The following DSCAM variants were observed in gnomAD, a reference collection of about 807,000 sequenced individuals.
DSCAM encodes DS cell adhesion molecule, also known as cell adhesion molecule DSCAM.
Under a neutral mutation model 217.7 loss-of-function variants are expected in DSCAM, and 47 were observed. That is an observed-to-expected ratio of 0.22 (90% CI 0.17 to 0.28). DSCAM has a LOEUF of 0.28. DSCAM is among the 10% of genes least tolerant of loss of function. The pLI, the probability that DSCAM is intolerant of heterozygous loss-of-function variation, is 1.00. For synonymous variants in DSCAM, 1,056 were observed against 1,015.3 expected (o/e 1.04, Z -0.76); for missense variants, 2,080 against 2,618.3 (o/e 0.79, Z 4.49).
chr21:40,294,794 G>A (rs913980006), intron 10 of DSCAM, among the ~76,000 whole-genome samples: 2 of 152,070 alleles, frequency 1.3e-5, no homozygotes, highest in African/African-American at 4.8e-5. Context: ...CTTCAAATAC[G>A]GCAGGAAATA....
intron 19 of DSCAM, among the ~76,000 whole-genome samples, chr21:40,125,052 ACCCCAC>A (rs1216134552): frequency 2.0e-5 from 3 of 151,962 alleles, no homozygotes; most frequent in African/African-American, 7.3e-5. Context: ...GCCATCAGAG[ACCCCAC>A]CCTCCCTCAC....
chr21:40,241,083 T>C (rs1461213823), intron 11 of DSCAM, among the ~76,000 whole-genome samples: 3 of 152,046 alleles, frequency 2.0e-5, no homozygotes, highest in Non-Finnish European at 1.5e-5. Context: ...AACAGGCAAA[T>C]ATTTCATGAC....
chr21:40,337,422 A>G (rs2074439703), intron 8 of DSCAM, among the ~76,000 whole-genome samples: 1 of 152,236 alleles, frequency 6.6e-6, no homozygotes, highest in South Asian at 2.1e-4. Flanking sequence ...TGTAGAATAG[A>G]AGAAATGAGT....
intron 3 of DSCAM, among the ~76,000 whole-genome samples, chr21:40,635,355 T>C (rs1461866399): frequency 2.6e-5 from 4 of 152,176 alleles, no homozygotes; most frequent in Non-Finnish European, 5.9e-5. Flanking sequence ...ACTCAGTGCC[T>C]GCTAGGGAAC....
intron 3 of DSCAM, among the ~76,000 whole-genome samples, chr21:40,663,087 AGTAT>A (rs1309163579): frequency 2.1e-5 from 3 of 145,352 alleles, no homozygotes; most frequent in Non-Finnish European, 4.5e-5. Context: ...CAGTATGTGT[AGTAT>A]GTATGTGTGT....
Position 40,276,310 on chromosome 21 carries a change from G to C in DSCAM, c.2183-40C>G, listed in dbSNP as rs765431864. 152 of 1,545,338 alleles carry C rather than the reference G, an allele frequency of 9.8e-5. 2 individuals carry two copies. The highest frequency in any genetic ancestry group is 1.6e-5 in the Non-Finnish European group (18 of 1,145,080). On this transcript the variant is annotated intron_variant, in intron 10 of 32. Coordinates refer to ENST00000400454, the MANE Select transcript of DSCAM (RefSeq NM_001389.5). ...GAAAGACGAGCAATGATGCAAACGA[G>C]AGTAAGTATGGGAAGACAACGAGTT... is the stretch of plus-strand genomic sequence containing the variant.
In DSCAM at chr21:40,347,910, T is replaced by G; in HGVS notation, c.970A>C (p.Lys324Gln). 3 of 1,613,966 alleles carry G rather than the reference T, an allele frequency of 1.9e-6. No individual in the cohort carries two copies. Among genetic ancestry groups the G allele is most frequent in the Non-Finnish European group, 8.5e-7 (1 of 1,179,906 alleles). ...GAAACTTGGCTACCCACGCTGCTTT[T>G]AACCTTCCTGGGACTGATGGTGGCT... Reference protein sequence around the residue: ...LKATISPRKVKSSVGSQVSLS... With the variant: ...LKATISPRKVQSSVGSQVSLS... The change falls in exon 6 of 33, where the codon AAA becomes CAA. Residue 324 changes from lysine (K) to glutamine (Q), a missense_variant. Transcript: ENST00000400454.
At chr21:40,379,453 G>C (rs750145018) in intron 3 of DSCAM, among the ~76,000 whole-genome samples, 2 of 152,182 alleles carry the variant, frequency 1.3e-5, no homozygotes, top group Non-Finnish European at 1.5e-5. Flanking sequence ...CAAGCTGGTC[G>C]CTACCTGGAC....
intron 3 of DSCAM, among the ~76,000 whole-genome samples, chr21:40,514,175 G>A (rs980401535): frequency 1.5e-4 from 23 of 152,176 alleles, no homozygotes; most frequent in African/African-American, 5.1e-4. Flanking sequence ...AAAGAAAACT[G>A]GACAGGTATG....
intron 11 of DSCAM, among the ~76,000 whole-genome samples, chr21:40,207,684 T>C (rs1294687617): frequency 6.6e-6 from 1 of 152,202 alleles, no homozygotes; most frequent in Non-Finnish European, 1.5e-5. Flanking sequence ...CTCAGAAAGA[T>C]AGATCTGTGT....
At chr21:40,405,224 G>A (rs2075270308) in intron 3 of DSCAM, among the ~76,000 whole-genome samples, 1 of 152,198 alleles carries the variant, frequency 6.6e-6, no homozygotes, top group Non-Finnish European at 1.5e-5. Flanking sequence ...CTGGGAAAAT[G>A]TAACAGGGTC....
At chr21:40,073,122 A>T (rs1475913370) in intron 27 of DSCAM, among the ~76,000 whole-genome samples, 1 of 152,206 alleles carries the variant, frequency 6.6e-6, no homozygotes, top group East Asian at 1.9e-4. Context: ...CTTTAACTGG[A>T]GGTGCTCTCA....
intron 2 of DSCAM, among the ~76,000 whole-genome samples, chr21:40,704,432 T>C (rs1216638814): frequency 6.6e-6 from 1 of 152,222 alleles, no homozygotes; most frequent in Non-Finnish European, 1.5e-5. Context: ...AGAAAAATTG[T>C]AGCTGGGCCC....
intron 20 of DSCAM, among the ~76,000 whole-genome samples, chr21:40,101,737 A>G (rs532240185): frequency 6.6e-6 from 1 of 151,906 alleles, no homozygotes. Context: ...AACCATCTCA[A>G]ATACTATTCT....
At chr21:40,412,309 A>T (rs951028188) in intron 3 of DSCAM, among the ~76,000 whole-genome samples, 1 of 152,218 alleles carries the variant, frequency 6.6e-6, no homozygotes, top group Non-Finnish European at 1.5e-5. Context: ...ACTGGGTAAC[A>T]AGAAGAGGCT....
At chr21:40,516,412 A>C (rs1025420262) in intron 3 of DSCAM, among the ~76,000 whole-genome samples, 3 of 152,172 alleles carry the variant, frequency 2.0e-5, no homozygotes, top group African/African-American at 7.2e-5. Flanking sequence ...CCCCTCCCCC[A>C]AAACACTGGC....
chr21:40,571,982 G>C (rs1296988929), intron 3 of DSCAM, among the ~76,000 whole-genome samples: 1 of 152,128 alleles, frequency 6.6e-6, no homozygotes, highest in Non-Finnish European at 1.5e-5. Context: ...CAACTACTAA[G>C]TATATAATGC....
chr21:40,761,483 A>C (rs1350321580), intron 1 of DSCAM, among the ~76,000 whole-genome samples: 1 of 151,478 alleles, frequency 6.6e-6, no homozygotes, highest in Non-Finnish European at 1.5e-5. Context: ...TCATGTGATC[A>C]TGAATACAGA....
Position 40,013,309 on chromosome 21 carries a change from G to A in DSCAM, c.5764C>T (p.Leu1922=), listed in dbSNP as rs757669925. 1.2e-6 allele frequency: 2 copies of A among 1,611,936 alleles called. No individual in the cohort carries two copies. Among genetic ancestry groups the A allele is most frequent in the Non-Finnish European group, 1.7e-6 (2 of 1,179,050 alleles). The change falls in exon 33 of 33, where the codon CTG becomes TTG. Residue 1922 remains leucine, a synonymous_variant. Transcript: ENST00000400454. ...NRGGPGTSRD[L]SLGQACLEPQ... is the part of the protein sequence containing the mutation. Reference sequence around the variant, plus strand: ...TCCAAGCATGCTTGTCCTAAGCTCAGGTCCCTGCTGGTGCCTGGACCACCT... The same window carrying A: ...TCCAAGCATGCTTGTCCTAAGCTCAAGTCCCTGCTGGTGCCTGGACCACCT...
Sources: allele counts gnomAD v4.1 joint callset (sites outside exome capture counted in the v4.1 genomes callset), GRCh38; gene constraint gnomAD v4.1.1; transcripts MANE v1.5; gene names NCBI Gene and HGNC (gene_info 2026-07-23, HGNC 2026-07-21).